Variants in NLGN1 observed in about 807,000 individuals in gnomAD.
The protein encoded by NLGN1 is neuroligin 1, also known as neuroligin-1.
Under a neutral mutation model 65.5 loss-of-function variants are expected in NLGN1, and 12 were observed. That is an observed-to-expected ratio of 0.18 (90% CI 0.12 to 0.30). The LOEUF is 0.30. Ranked by LOEUF, NLGN1 falls within the 10% of genes least tolerant of loss-of-function variation. The probability of loss-of-function intolerance (pLI) is 1.00; values close to 1 mark genes in which losing one functional copy is unlikely to be tolerated. For missense variants in NLGN1, 750 were observed against 1,007.1 expected (o/e 0.74, Z 3.46); for synonymous variants, 350 against 359.5 (o/e 0.97, Z 0.30).
chr3:173,477,755 T>G (rs1726496150), intron 2 of NLGN1, among the ~76,000 whole-genome samples: 1 of 152,194 alleles, frequency 6.6e-6, no homozygotes, highest in Admixed American at 6.5e-5. Context: ...TTCATGTTTG[T>G]TGGCTGCATG....
intron 4 of NLGN1, among the ~76,000 whole-genome samples, chr3:174,083,194 C>T (rs1369939906): frequency 6.6e-6 from 1 of 151,964 alleles, no homozygotes; most frequent in African/African-American, 2.4e-5. Context: ...TAAAGCTATA[C>T]AGTGTAGGGA....
intron 3 of NLGN1, among the ~76,000 whole-genome samples, chr3:173,746,915 G>A (rs942643408): frequency 3.3e-5 from 5 of 151,634 alleles, no homozygotes; most frequent in Non-Finnish European, 7.4e-5. Flanking sequence ...AGTTGGGCAT[G>A]GTGTCTTGCA....
chr3:174,213,735 T>C (rs1737107162), intron 4 of NLGN1, among the ~76,000 whole-genome samples: 1 of 152,186 alleles, frequency 6.6e-6, no homozygotes, highest in South Asian at 2.1e-4. Context: ...TAATTTTTCT[T>C]AATATTTTAG....
chr3:173,551,522 G>T (rs745746150), intron 2 of NLGN1, among the ~76,000 whole-genome samples: 1 of 152,046 alleles, frequency 6.6e-6, no homozygotes, highest in African/African-American at 2.4e-5. Flanking sequence ...GCCTAAGAAG[G>T]CTTATATTTA....
At chr3:173,627,410 A>G (rs1443051063) in intron 3 of NLGN1, among the ~76,000 whole-genome samples, 1 of 152,048 alleles carries the variant, frequency 6.6e-6, no homozygotes, top group Non-Finnish European at 1.5e-5. Flanking sequence ...TTACACACAC[A>G]CACACATCAC....
chr3:173,545,012 G>A (rs1320674522), intron 2 of NLGN1, among the ~76,000 whole-genome samples: 1 of 152,050 alleles, frequency 6.6e-6, no homozygotes, highest in Non-Finnish European at 1.5e-5. Context: ...TAACTATAAG[G>A]AGGTCATTGA....
chr3:173,648,455 G>T (rs899857566), intron 3 of NLGN1, among the ~76,000 whole-genome samples: 5 of 152,130 alleles, frequency 3.3e-5, no homozygotes, highest in African/African-American at 9.7e-5. Flanking sequence ...AAGTTAAAAA[G>T]ATGATCATAC....
At chr3:173,639,481 T>A (rs1332884896) in intron 3 of NLGN1, among the ~76,000 whole-genome samples, 1 of 152,186 alleles carries the variant, frequency 6.6e-6, no homozygotes. Flanking sequence ...GGGATAAGGT[T>A]GGCATCCAGT....
chr3:174,133,204 G>A (rs1341595840), intron 4 of NLGN1, among the ~76,000 whole-genome samples: 1 of 152,148 alleles, frequency 6.6e-6, no homozygotes, highest in East Asian at 1.9e-4. Context: ...TGTAGGAAGG[G>A]GAGAAATGTA....
chr3:173,713,547 T>C (rs1769346896), intron 3 of NLGN1, among the ~76,000 whole-genome samples: 1 of 152,108 alleles, frequency 6.6e-6, no homozygotes, highest in South Asian at 2.1e-4. Flanking sequence ...AATATATATG[T>C]AAATTATTTT....
intron 4 of NLGN1, among the ~76,000 whole-genome samples, chr3:174,062,046 G>A (rs1737525945): frequency 6.6e-6 from 1 of 152,060 alleles, no homozygotes; most frequent in Non-Finnish European, 1.5e-5. Context: ...ACATGTGAAT[G>A]CTTGGGGGGG....
intron 4 of NLGN1, among the ~76,000 whole-genome samples, chr3:174,072,012 T>C (rs79083143): frequency 0.017 from 2,647 of 152,210 alleles, 62 homozygotes; most frequent in South Asian, 0.086. Context: ...GCGCCTCATG[T>C]GGAAAGGACC....
intron 4 of NLGN1, among the ~76,000 whole-genome samples, chr3:174,042,417 T>A (rs1732546063): frequency 1.3e-5 from 2 of 152,188 alleles, no homozygotes; most frequent in South Asian, 4.1e-4. Flanking sequence ...GAGATTTATT[T>A]TTTACCATGT....
At chr3:173,606,810 T>C (rs1367332864) in intron 3 of NLGN1, among the ~76,000 whole-genome samples, 1 of 152,004 alleles carries the variant, frequency 6.6e-6, no homozygotes, top group African/African-American at 2.4e-5. Context: ...CACACTATAC[T>C]TAAGAAGATG....
intron 4 of NLGN1, among the ~76,000 whole-genome samples, chr3:173,876,053 A>G (rs989062474): frequency 1.3e-5 from 2 of 152,170 alleles, no homozygotes; most frequent in Non-Finnish European, 2.9e-5. Context: ...GATGAATGTG[A>G]TAAGATTCTA....
chr3:173,929,394 T>C (rs1386760998), intron 4 of NLGN1, among the ~76,000 whole-genome samples: 5 of 152,196 alleles, frequency 3.3e-5, no homozygotes, highest in African/African-American at 7.2e-5. Context: ...CTAAGTTGTA[T>C]GTTCACCTTA....
chr3:173,835,513 A>G (rs1723452025), intron 4 of NLGN1, among the ~76,000 whole-genome samples: 1 of 151,710 alleles, frequency 6.6e-6, no homozygotes, highest in Non-Finnish European at 1.5e-5. Flanking sequence ...ATAGAGATAA[A>G]GCATATATAT....
chr3:173,641,535 C>T (rs2081560468), intron 3 of NLGN1, among the ~76,000 whole-genome samples: 1 of 152,148 alleles, frequency 6.6e-6, no homozygotes. Flanking sequence ...AGGTGATCCA[C>T]CCACCTAAGC....
At chr3:173,463,409 A>G (rs762895879) in intron 2 of NLGN1, among the ~76,000 whole-genome samples, 6 of 152,142 alleles carry the variant, frequency 3.9e-5, no homozygotes, top group African/African-American at 1.4e-4. Context: ...TCTCTCTTCC[A>G]TACAGATCTG....
Sources: gnomAD v4.1 joint callset for allele counts (sites outside exome capture counted in the v4.1 genomes callset) on GRCh38, gnomAD v4.1.1 for gene constraint, MANE v1.5 for transcripts, NCBI Gene and HGNC (gene_info 2026-07-23, HGNC 2026-07-21) for gene names.